The following ZNF883 variants were observed in gnomAD, a reference collection of about 807,000 sequenced individuals.
ZNF883 encodes zinc finger protein 883.
At chr9:112,990,101 C>G (rs1351865243) in intron 1 of ZNF883, among the ~76,000 whole-genome samples, 1 of 152,140 alleles carries the variant, frequency 6.6e-6, no homozygotes, top group Non-Finnish European at 1.5e-5. Context: ...TTTGAATACC[C>G]TTTATTTCTT....
chr9:113,009,502 A>G (rs1347381933), intron 2 of ZNF883, among the ~76,000 whole-genome samples: 1 of 149,940 alleles, frequency 6.7e-6, no homozygotes, highest in East Asian at 2.0e-4. Context: ...AGTATCTACA[A>G]GGCTCATATT....
At chr9:113,009,799 C>T (rs1395937038) in intron 2 of ZNF883, among the ~76,000 whole-genome samples, 1 of 152,068 alleles carries the variant, frequency 6.6e-6, no homozygotes, top group East Asian at 1.9e-4. Flanking sequence ...TGAGCCATCA[C>T]GCCCGGCCCA....
Position 112,997,969 on chromosome 9 carries a change from A to G in ZNF883, n.291T>C, listed in dbSNP as rs776395167. 3.1e-6 allele frequency: 5 copies of G among 1,613,872 alleles called. 1 individual carries two copies. The South Asian group carries it at 5.5e-5, about 18-fold the overall frequency. On this transcript the variant is annotated non_coding_transcript_exon_variant, in exon 1 of 1. Transcript: ENST00000639662. ...AGGTTTTTTCACATTCATTACACTC[A>G]TAAGGTTTCTCCCCAGTATGGACTC...
At chr9:112,992,391 A>G (rs1239090587), downstream of ZNF883, among the ~76,000 whole-genome samples, 1 of 152,180 alleles carries the variant, frequency 6.6e-6, no homozygotes, top group African/African-American at 2.4e-5. Flanking sequence ...CTTTCCTTTA[A>G]GAATGTTGAA....
chr9:112,998,385 C>T, upstream of ZNF883: 1 of 707,022 alleles, frequency 1.4e-6, no homozygotes, highest in Non-Finnish European at 2.0e-6. Context: ...TTTCTTATAT[C>T]TAATAAATTA....
chr9:112,989,210 T>C (rs959568816), intron 1 of ZNF883, among the ~76,000 whole-genome samples: 4 of 152,356 alleles, frequency 2.6e-5, no homozygotes, highest in Admixed American at 2.6e-4. Context: ...CCTGTGCCTA[T>C]GTCCTGAATG....
intron 1 of ZNF883, among the ~76,000 whole-genome samples, chr9:113,011,732 A>G (rs965032844): frequency 2.0e-5 from 3 of 152,148 alleles, no homozygotes; most frequent in Admixed American, 6.5e-5. Flanking sequence ...CTAAATACGT[A>G]TATCACGGTT....
chr9:112,990,528 G>A (rs369918183), intron 1 of ZNF883, among the ~76,000 whole-genome samples: 4 of 152,068 alleles, frequency 2.6e-5, no homozygotes, highest in East Asian at 3.9e-4. Flanking sequence ...GTATTTTATT[G>A]AAAATTTTTG....
chr9:113,006,701 CTT>C (rs1828480111), intron 2 of ZNF883, among the ~76,000 whole-genome samples: 1 of 152,152 alleles, frequency 6.6e-6, no homozygotes, highest in African/African-American at 2.4e-5. Flanking sequence ...GCCATATAAA[CTT>C]CAGAATTTGA....
In ZNF883 at chr9:112,997,723, T is replaced by A. The variant is rs865791387; in HGVS notation, n.537A>T. 14 of 1,613,770 alleles carry A rather than the reference T, an allele frequency of 8.7e-6. 1 individual carries two copies. In the Middle Eastern group the frequency reaches 2.1e-3, roughly 247 times the overall value. Reference sequence around the variant, plus strand: ...TCCGACATTGCTTACACTGGTAGGATTTTTCCTCAGAATGAATTCCCTGAT... The same window carrying A: ...TCCGACATTGCTTACACTGGTAGGAATTTTCCTCAGAATGAATTCCCTGAT... On this transcript the variant is annotated non_coding_transcript_exon_variant, in exon 1 of 1. Transcript: ENST00000639662.
At chr9:112,995,347 C>T (rs1484074980), downstream of ZNF883, among the ~76,000 whole-genome samples, 1 of 151,732 alleles carries the variant, frequency 6.6e-6, no homozygotes, top group South Asian at 2.1e-4. Flanking sequence ...AAGACTAGAA[C>T]TTTACCATCG....
upstream of ZNF883, chr9:113,001,955 T>C (rs1828429975): frequency 6.6e-6 from 1 of 152,190 alleles, no homozygotes; most frequent in South Asian, 2.1e-4. Context: ...GTAAATCTCA[T>C]GATCCTACAT....
upstream of ZNF883, among the ~76,000 whole-genome samples, chr9:113,002,454 T>A (rs1004739010): frequency 2.6e-5 from 4 of 152,148 alleles, no homozygotes; most frequent in African/African-American, 9.7e-5. Flanking sequence ...AATGAAATAC[T>A]ACAGTTAATA....
At chr9:112,999,853 T>A (rs774351650), upstream of ZNF883, 1 of 152,186 alleles carries the variant, frequency 6.6e-6, no homozygotes, top group Admixed American at 6.5e-5. Context: ...AGAATTTGTA[T>A]AGAGCTTAAT....
At chr9:112,996,517 C>A (rs539307652), downstream of ZNF883, among the ~76,000 whole-genome samples, 2 of 151,834 alleles carry the variant, frequency 1.3e-5, no homozygotes, top group African/African-American at 4.8e-5. Context: ...TATGGCCGGG[C>A]GCGGTGGCTC....
chr9:112,997,915 A>T, exon 1 of ZNF883: 1 of 1,613,730 alleles, frequency 6.2e-7, no homozygotes, highest in Non-Finnish European at 8.5e-7. Context: ...GGATTCTCTC[A>T]TGATTTCTAA....
At chr9:113,004,570 T>C (rs898093402) in intron 2 of ZNF883, among the ~76,000 whole-genome samples, 17 of 151,910 alleles carry the variant, frequency 1.1e-4, no homozygotes, top group African/African-American at 3.9e-4. Context: ...CTTTGCCATG[T>C]GAGGAAACAA....
intron 2 of ZNF883, among the ~76,000 whole-genome samples, chr9:113,004,589 C>T (rs1266293611): frequency 6.6e-6 from 1 of 151,730 alleles, no homozygotes; most frequent in South Asian, 2.1e-4. Flanking sequence ...AATAAGATGG[C>T]CATCTGTAAA....
At chr9:113,001,136 AGACAAG>A (rs1406588641), upstream of ZNF883, among the ~76,000 whole-genome samples, 1 of 152,164 alleles carries the variant, frequency 6.6e-6, no homozygotes, top group Non-Finnish European at 1.5e-5. Flanking sequence ...TTTTAGCAGA[AGACAAG>A]AATCTAACTC....
Sources: gnomAD v4.1 joint callset for allele counts (sites outside exome capture counted in the v4.1 genomes callset) on GRCh38, gnomAD v4.1.1 for gene constraint, MANE v1.5 for transcripts, NCBI Gene and HGNC (gene_info 2026-07-23, HGNC 2026-07-21) for gene names.